Variants in MTM1 observed in about 807,000 individuals in gnomAD.
MTM1 encodes the protein myotubularin 1, also known as myotubularin.
In MTM1, 9 loss-of-function variants were observed where a neutral mutation model predicts 52.1. That is an observed-to-expected ratio of 0.17 (90% CI 0.10 to 0.30). The LOEUF (loss-of-function observed/expected upper bound fraction) is 0.30. MTM1 is among the 10% of genes least tolerant of loss of function. The pLI, the probability that MTM1 is intolerant of heterozygous loss-of-function variation, is 1.00. For synonymous variants in MTM1, 136 were observed against 163.8 expected, an observed-to-expected ratio of 0.83 and a Z score of 1.29; for missense variants, 277 against 470.7, an observed-to-expected ratio of 0.59 and a Z score of 3.81.
intron 8 of MTM1, among the ~76,000 whole-genome samples, chrX:150,643,660 A>G (rs1213430795): frequency 1.8e-5 from 2 of 112,196 alleles, no homozygotes; most frequent in Non-Finnish European, 3.8e-5. Context: ...CCATGTTGCT[A>G]AATATGATCC....
At position 150,596,757 on chromosome X, in the gene MTM1, C is replaced by T. The variant is rs1351090108; in HGVS notation, c.136+187C>T. 4.1e-5 allele frequency: 17 copies of T among 413,641 alleles called. No homozygotes were observed. The Admixed American group carries it at 4.3e-4, about 10-fold the overall frequency. The allele number at this position is 413,641 out of a possible 1,213,427, so 34.1% of individuals were successfully genotyped here. A position where few individuals can be genotyped will look rare whatever the true frequency, so the allele number is the denominator to read the frequency against. Reference sequence around the variant, plus strand: ...AGAGTTCTTTTGAGAGCTTCATGCTCACAAGGGTAGTGATATTCTTGTGTC... The same window carrying T: ...AGAGTTCTTTTGAGAGCTTCATGCTTACAAGGGTAGTGATATTCTTGTGTC... On this transcript the variant is annotated intron_variant, in intron 3 of 14. Coordinates refer to ENST00000370396, the MANE Select transcript of MTM1 (RefSeq NM_000252.3).
intron 11 of MTM1, among the ~76,000 whole-genome samples, chrX:150,658,744 A>G (rs2040170013): frequency 8.9e-6 from 1 of 111,995 alleles, no homozygotes; most frequent in South Asian, 3.7e-4. Flanking sequence ...TCTGTAGGCT[A>G]CCCTTTCAGA....
At chrX:150,655,968 T>TA (rs1203342423) in intron 10 of MTM1, among the ~76,000 whole-genome samples, 1 of 112,217 alleles carries the variant, frequency 8.9e-6, no homozygotes, top group African/African-American at 3.2e-5. Context: ...AATTTATTGA[T>TA]ACTTCTAAGT....
intron 10 of MTM1, among the ~76,000 whole-genome samples, chrX:150,652,658 TACACACACACACACAC>T (rs377592464): frequency 1.1e-4 from 9 of 82,464 alleles, no homozygotes; most frequent in East Asian, 4.0e-4. Flanking sequence ...TATATATATA[TACACACACACACACAC>T]ACACACACAC....
intron 3 of MTM1, among the ~76,000 whole-genome samples, chrX:150,598,198 T>C (rs1557412648): frequency 8.9e-6 from 1 of 112,824 alleles, no homozygotes; most frequent in East Asian, 2.8e-4. Flanking sequence ...TCTCTCAGTC[T>C]AGTGGTTAGT....
intron 4 of MTM1, among the ~76,000 whole-genome samples, chrX:150,612,628 C>G (rs978627709): frequency 9.2e-6 from 1 of 109,255 alleles, no homozygotes; most frequent in East Asian, 2.9e-4. Flanking sequence ...GAGGATCACT[C>G]GAGCCCAGGA....
In MTM1 at chrX:150,645,673, T is replaced by C. The variant is rs782314713; in HGVS notation, c.679-10T>C. 8.3e-7 allele frequency: 1 copy of C among 1,209,897 alleles called. No homozygotes were observed. The highest frequency in any genetic ancestry group is 1.7e-5 in the African/African-American group (1 of 57,894). ...TTCTTGATAGCTTAAACTTTCTGAC[T>C]TAACCATAGGTGCTGTCATGGATTC... On this transcript the variant is annotated splice_polypyrimidine_tract_variant and intron_variant, in intron 8 of 14. Transcript: ENST00000370396.
chrX:150,631,368 A>G (rs1314656151), intron 6 of MTM1, among the ~76,000 whole-genome samples: 1 of 111,962 alleles, frequency 8.9e-6, no homozygotes, highest in African/African-American at 3.2e-5. Context: ...CAGACTTCTA[A>G]GGAATTATCT....
intron 12 of MTM1, 70 bp downstream of exon 12, chrX:150,659,826 G>A (rs2040190121): frequency 6.6e-6 from 6 of 902,723 alleles, no homozygotes; most frequent in Middle Eastern, 5.4e-4. Context: ...ATAATGATTG[G>A]GATTTGACCC....
At position 150,644,259 on chromosome X, in the gene MTM1, G is replaced by C. The variant is rs909840567; in HGVS notation, c.679-1424G>C. On this transcript the variant is annotated intron_variant, in intron 8 of 14. Transcript: ENST00000370396. ...ATGTCTCTTGTCTCTCTTGATACCA[G>C]GGCCATAGAGGGAAAGGAAGGCAGA... 2.7e-5 allele frequency among the ~76,000 whole-genome samples: 3 copies of C among 110,772 alleles called. No homozygotes were observed. In the South Asian group the frequency reaches 1.1e-3, roughly 42 times the overall value.
At chrX:150,629,177 C>G (rs1557413488) in intron 6 of MTM1, among the ~76,000 whole-genome samples, 1 of 112,066 alleles carries the variant, frequency 8.9e-6, no homozygotes, top group East Asian at 2.8e-4. Flanking sequence ...ACCTCTGTCT[C>G]TTTCACAGTG....
At chrX:150,639,276 T>C (rs1466961727) in intron 7 of MTM1, among the ~76,000 whole-genome samples, 1 of 112,455 alleles carries the variant, frequency 8.9e-6, no homozygotes, top group African/African-American at 3.2e-5. Flanking sequence ...TCCTTCCCTA[T>C]ATGAAGAGCA....
chrX:150,618,957 C>T, intron 5 of MTM1, 81 bp from the exon 6 acceptor site: 1 of 711,931 alleles, frequency 1.4e-6, no homozygotes, highest in Non-Finnish European at 2.3e-6. Flanking sequence ...AATCTTCTCC[C>T]TTAATTGAAT....
intron 4 of MTM1, among the ~76,000 whole-genome samples, chrX:150,608,175 T>C (rs1029829791): frequency 2.7e-5 from 3 of 111,112 alleles, no homozygotes; most frequent in Admixed American, 9.5e-5. Flanking sequence ...GTCCTCGGCC[T>C]TGCCCACCCT....
chrX:150,613,812 T>G (rs781897006), intron 4 of MTM1, among the ~76,000 whole-genome samples: 2 of 112,086 alleles, frequency 1.8e-5, no homozygotes, highest in African/African-American at 6.5e-5. Flanking sequence ...ATTACTTGAC[T>G]AACATGATTC....
At chrX:150,581,475 A>G (rs2038582843) in intron 1 of MTM1, among the ~76,000 whole-genome samples, 1 of 111,910 alleles carries the variant, frequency 8.9e-6, no homozygotes, top group African/African-American at 3.2e-5. Flanking sequence ...GTGGATACAA[A>G]TAAATAGTAG....
intron 7 of MTM1, among the ~76,000 whole-genome samples, chrX:150,639,466 A>C (rs2039812384): frequency 8.9e-6 from 1 of 112,388 alleles, no homozygotes; most frequent in Admixed American, 9.4e-5. Context: ...AATGAATTAG[A>C]ACTGTTTTCC....
Position 150,657,976 on chromosome X carries a change from C to G in MTM1, c.1209C>G (p.Phe403Leu). The change falls in exon 11 of 15, where the codon TTC (phenylalanine) becomes TTG (leucine). Residue 403 changes from phenylalanine to leucine, a missense_variant. Phe to Leu is a conservative substitution (Grantham distance 22, BLOSUM62 0). This residue lies in a region of MTM1 where 59 missense variants were observed against 107.8 expected (regional missense o/e 0.55). Coordinates refer to ENST00000370396, the MANE Select transcript of MTM1 (RefSeq NM_000252.3). ...GCTTCTATAGGAGCATTGAAGGGTT[C>G]GAAATACTGGTACAAAAAGAATGGA... is the stretch of plus-strand genomic sequence containing the variant. ...LDSFYRSIEG[F>L]EILVQKEWIS... The G allele has an allele frequency of 8.3e-7, 1 of 1,210,402 alleles. No homozygotes were observed. The highest frequency in any genetic ancestry group is 1.8e-5 in the South Asian group (1 of 56,943).
intron 6 of MTM1, among the ~76,000 whole-genome samples, chrX:150,628,032 A>G (rs1557413460): frequency 9.0e-6 from 1 of 111,237 alleles, no homozygotes; most frequent in African/African-American, 3.3e-5. Context: ...GTTCTCTTGA[A>G]GTCCCCAGGT....
Sources: allele counts gnomAD v4.1 joint callset (sites outside exome capture counted in the v4.1 genomes callset), GRCh38; gene constraint gnomAD v4.1.1; regional missense constraint gnomAD v4.1.1; transcripts MANE v1.5; gene names NCBI Gene and HGNC (gene_info 2026-07-23, HGNC 2026-07-21).